The following SGCD variants were observed in gnomAD, a reference collection of about 807,000 sequenced individuals.
SGCD encodes delta-sarcoglycan.
SGCD carries 18 observed loss-of-function variants against 36.6 expected under a neutral mutation model. The ratio of observed to expected loss-of-function variants is 0.49; its 90% CI spans 0.34 to 0.73. The LOEUF is 0.73. Among genes scored for constraint, SGCD ranks in the 30% least tolerant of loss-of-function variants. The pLI, the probability that SGCD is intolerant of heterozygous loss-of-function variation, is 0.01. For synonymous variants in SGCD, 133 were observed against 130.6 expected (o/e 1.02, Z -0.12); for missense variants, 387 against 346.7 (o/e 1.12, Z -0.92).
intron 3 of SGCD, among the ~76,000 whole-genome samples, chr5:156,192,919 A>G (rs951481370): frequency 3.3e-5 from 5 of 151,072 alleles, no homozygotes; most frequent in African/African-American, 1.2e-4. Flanking sequence ...CTACTCTGTC[A>G]TTGTAAAAGC....
At chr5:156,245,270 G>A (rs1389577968) in intron 3 of SGCD, among the ~76,000 whole-genome samples, 1 of 152,150 alleles carries the variant, frequency 6.6e-6, no homozygotes, top group African/African-American at 2.4e-5. Context: ...AATAAAGGAA[G>A]TGTTAAACAT....
chr5:155,966,166 T>C (rs2113457799), intron 1 of SGCD, among the ~76,000 whole-genome samples: 1 of 152,220 alleles, frequency 6.6e-6, no homozygotes, highest in South Asian at 2.1e-4. Flanking sequence ...TCTTGTCAAA[T>C]CCAATAGAAC....
upstream of SGCD, chr5:156,327,156 CCT>C (rs1235710527): frequency 6.6e-6 from 1 of 152,410 alleles, no homozygotes; most frequent in Non-Finnish European, 1.5e-5. Flanking sequence ...CGAGTGGCCA[CCT>C]CCTTCAGAGC....
At chr5:156,267,764 A>G (rs1177061011) in intron 3 of SGCD, among the ~76,000 whole-genome samples, 1 of 152,124 alleles carries the variant, frequency 6.6e-6, no homozygotes, top group Middle Eastern at 3.2e-3. Flanking sequence ...ATGGCATATG[A>G]TAGAATTTCC....
At chr5:156,397,381 C>A (rs749434036) in intron 3 of SGCD, among the ~76,000 whole-genome samples, 1 of 152,106 alleles carries the variant, frequency 6.6e-6, no homozygotes, top group Non-Finnish European at 1.5e-5. Context: ...AATGTAAAAA[C>A]CATTCTTAGC....
At chr5:156,621,615 C>G (rs1349525461) in intron 6 of SGCD, among the ~76,000 whole-genome samples, 1 of 152,080 alleles carries the variant, frequency 6.6e-6, no homozygotes, top group Non-Finnish European at 1.5e-5. Flanking sequence ...GTAAGGGAAG[C>G]CTACCTGAAA....
At chr5:156,727,501 A>G (rs1014361243) in intron 7 of SGCD, among the ~76,000 whole-genome samples, 2 of 152,248 alleles carry the variant, frequency 1.3e-5, no homozygotes, top group Non-Finnish European at 2.9e-5. Context: ...TGTTAAAAAC[A>G]TATAGAACTG....
At chr5:156,439,396 G>T (rs908451184) in intron 3 of SGCD, among the ~76,000 whole-genome samples, 55 of 152,230 alleles carry the variant, frequency 3.6e-4, no homozygotes, top group African/African-American at 1.2e-3. Flanking sequence ...CCTTCTTGGG[G>T]AAACTTAGTA....
chr5:155,959,010 A>G (rs773893635), intron 1 of SGCD, among the ~76,000 whole-genome samples: 1 of 152,096 alleles, frequency 6.6e-6, no homozygotes, highest in Non-Finnish European at 1.5e-5. Context: ...CAAAGACCAC[A>G]CACATCACCC....
chr5:155,757,575 CAT>C, the SGCD span, among the ~76,000 whole-genome samples: 1 of 152,158 alleles, frequency 6.6e-6, no homozygotes, highest in South Asian at 2.1e-4. Context: ...GACAGCAAAA[CAT>C]AGACACCCAG....
intron 3 of SGCD, among the ~76,000 whole-genome samples, chr5:156,443,919 T>A (rs1313479136): frequency 6.6e-6 from 1 of 152,104 alleles, no homozygotes; most frequent in Non-Finnish European, 1.5e-5. Flanking sequence ...TTTTCTAGTA[T>A]CTTATCTAAC....
At chr5:156,385,310 A>G (rs1269005757) in intron 3 of SGCD, among the ~76,000 whole-genome samples, 1 of 152,232 alleles carries the variant, frequency 6.6e-6, no homozygotes, top group Non-Finnish European at 1.5e-5. Context: ...AACAGGCACC[A>G]GGGCACTGTG....
At chr5:156,262,940 T>TAC (rs1277609259) in intron 3 of SGCD, among the ~76,000 whole-genome samples, 1 of 151,806 alleles carries the variant, frequency 6.6e-6, no homozygotes, top group African/African-American at 2.4e-5. Context: ...TATATATATA[T>TAC]ACACACACAT....
At chr5:156,176,277 A>G (rs1323125489) in intron 3 of SGCD, among the ~76,000 whole-genome samples, 1 of 152,080 alleles carries the variant, frequency 6.6e-6, no homozygotes, top group Non-Finnish European at 1.5e-5. Context: ...TTTATATTTT[A>G]ATATGCCAGA....
At chr5:155,845,788 C>T in the SGCD span, among the ~76,000 whole-genome samples, 1 of 152,130 alleles carries the variant, frequency 6.6e-6, no homozygotes, top group Non-Finnish European at 1.5e-5. Context: ...AAAACTAATT[C>T]ATTATCTGTA....
chr5:155,942,070 G>A (rs17053035), intron 1 of SGCD, among the ~76,000 whole-genome samples: 10,878 of 152,084 alleles, frequency 0.072, 516 homozygotes, highest in African/African-American at 0.12. Flanking sequence ...ACTCCTATTG[G>A]AGCAGCCTTC....
At chr5:156,394,926 T>C (rs148479637) in intron 3 of SGCD, among the ~76,000 whole-genome samples, 279 of 152,344 alleles carry the variant, frequency 1.8e-3, no homozygotes, top group Middle Eastern at 6.8e-3. Flanking sequence ...AGAACAGGCT[T>C]ACATAATCAT....
intron 7 of SGCD, among the ~76,000 whole-genome samples, chr5:156,652,779 T>G (rs140396428): frequency 1.1e-3 from 162 of 151,500 alleles, no homozygotes; most frequent in African/African-American, 3.3e-3. Flanking sequence ...GTTTTTTGGG[T>G]TTTTTTTGAG....
At chr5:156,016,783 G>T (rs563227236) in intron 1 of SGCD, among the ~76,000 whole-genome samples, 50 of 152,162 alleles carry the variant, frequency 3.3e-4, no homozygotes, top group African/African-American at 1.1e-3. Flanking sequence ...ACCATAGCTT[G>T]TTCAACTAAT....
Sources: allele counts gnomAD v4.1 joint callset (sites outside exome capture counted in the v4.1 genomes callset), GRCh38; gene constraint gnomAD v4.1.1; transcripts MANE v1.5; gene names NCBI Gene and HGNC (gene_info 2026-07-23, HGNC 2026-07-21).